SGCD: variants seen among roughly 807,000 people sequenced by gnomAD.
SGCD encodes sarcoglycan delta.
A neutral mutation model predicts 36.6 loss-of-function variants in SGCD; 18 were observed. The ratio of observed to expected loss-of-function variants is 0.49; its 90% CI spans 0.34 to 0.73. The LOEUF is 0.73. Ranked by LOEUF, SGCD falls within the 30% of genes least tolerant of loss-of-function variation. The pLI is 0.01. For missense variants in SGCD, 387 were observed against 346.7 expected, an observed-to-expected ratio of 1.12 and a Z score of -0.92; for synonymous variants, 133 against 130.6, an observed-to-expected ratio of 1.02 and a Z score of -0.12.
chr5:156,336,655 A>G (rs545807474), intron 2 of SGCD, among the ~76,000 whole-genome samples: 2 of 152,370 alleles, frequency 1.3e-5, no homozygotes, highest in Non-Finnish European at 2.9e-5. Context: ...GTGCATATGC[A>G]CTGAACATCT....
chr5:155,787,063 G>C, the SGCD span, among the ~76,000 whole-genome samples: 1 of 152,282 alleles, frequency 6.6e-6, no homozygotes, highest in African/African-American at 2.4e-5. Flanking sequence ...GGCTTGCATT[G>C]GTTTATGCAG....
chr5:155,750,689 A>G, the SGCD span, among the ~76,000 whole-genome samples: 2 of 152,222 alleles, frequency 1.3e-5, no homozygotes, highest in Non-Finnish European at 2.9e-5. Context: ...ACATTTAATA[A>G]TGTTTGAGCA....
At chr5:156,616,699 T>C (rs1313516016) in intron 6 of SGCD, among the ~76,000 whole-genome samples, 1 of 152,188 alleles carries the variant, frequency 6.6e-6, no homozygotes, top group African/African-American at 2.4e-5. Flanking sequence ...CCTTTGTGGC[T>C]CAAACATCGC....
chr5:156,006,645 G>C (rs1025814006), intron 1 of SGCD, among the ~76,000 whole-genome samples: 1 of 152,106 alleles, frequency 6.6e-6, no homozygotes, highest in Non-Finnish European at 1.5e-5. Flanking sequence ...ATATAAAAAC[G>C]CATTCCCAGA....
the SGCD span, among the ~76,000 whole-genome samples, chr5:155,757,041 G>A: frequency 2.5e-3 from 386 of 152,288 alleles, 2 homozygotes; most frequent in African/African-American, 7.7e-3. Flanking sequence ...GACCACAGGC[G>A]GGGTCTATGC....
chr5:155,781,348 C>T, the SGCD span, among the ~76,000 whole-genome samples: 1 of 152,160 alleles, frequency 6.6e-6, no homozygotes, highest in Non-Finnish European at 1.5e-5. Flanking sequence ...ACAGGGATTC[C>T]TATCACACCT....
chr5:156,139,609 A>G (rs1005762621), intron 3 of SGCD, among the ~76,000 whole-genome samples: 2 of 152,178 alleles, frequency 1.3e-5, no homozygotes, highest in Non-Finnish European at 1.5e-5. Context: ...AAAGGTATGC[A>G]TTAGTCTGTT....
intron 3 of SGCD, among the ~76,000 whole-genome samples, chr5:156,453,444 G>A (rs1754114452): frequency 6.6e-6 from 1 of 152,170 alleles, no homozygotes; most frequent in Non-Finnish European, 1.5e-5. Flanking sequence ...AGTGTTACAT[G>A]TAAACATGAA....
intron 1 of SGCD, among the ~76,000 whole-genome samples, chr5:156,043,451 G>T (rs147165424): frequency 6.6e-6 from 1 of 152,108 alleles, no homozygotes; most frequent in Admixed American, 6.6e-5. Flanking sequence ...TTTCTCAGGG[G>T]TTTGGCAAAA....
At chr5:156,635,106 T>C (rs1053014172) in intron 6 of SGCD, among the ~76,000 whole-genome samples, 1 of 152,000 alleles carries the variant, frequency 6.6e-6, no homozygotes. Flanking sequence ...GTCCCGGTAG[T>C]CAAGCTACTC....
chr5:155,753,713 C>T, the SGCD span, among the ~76,000 whole-genome samples: 7 of 152,064 alleles, frequency 4.6e-5, no homozygotes, highest in South Asian at 8.3e-4. Context: ...CTCTCAAAAC[C>T]GGGAATCAAG....
chr5:156,061,917 C>CA (rs1760219905), intron 1 of SGCD, among the ~76,000 whole-genome samples: 1 of 100,654 alleles, frequency 9.9e-6, no homozygotes, highest in African/African-American at 3.5e-5. Context: ...CAGGAGTTTT[C>CA]ACTTTTTTTT....
the SGCD span, among the ~76,000 whole-genome samples, chr5:155,825,083 A>G: frequency 7.9e-5 from 12 of 152,188 alleles, no homozygotes; most frequent in African/African-American, 2.9e-4. Flanking sequence ...CAATGTTTTC[A>G]TCAAAGAAAG....
chr5:156,336,509 C>T (rs975401156), intron 2 of SGCD, among the ~76,000 whole-genome samples: 1 of 152,140 alleles, frequency 6.6e-6, no homozygotes, highest in Non-Finnish European at 1.5e-5. Context: ...ATCATAGATC[C>T]ATACCATTTA....
At chr5:156,226,641 A>G (rs1392920927) in intron 3 of SGCD, among the ~76,000 whole-genome samples, 1 of 152,176 alleles carries the variant, frequency 6.6e-6, no homozygotes, top group Non-Finnish European at 1.5e-5. Flanking sequence ...AGGAATATCC[A>G]CAGTTTTCCA....
chr5:155,821,185 A>G, the SGCD span, among the ~76,000 whole-genome samples: 1 of 152,208 alleles, frequency 6.6e-6, no homozygotes, highest in Non-Finnish European at 1.5e-5. Context: ...TAAGAAAACA[A>G]TTGTGTATCC....
chr5:156,547,964 G>A (rs1421268609), intron 4 of SGCD, among the ~76,000 whole-genome samples: 1 of 152,196 alleles, frequency 6.6e-6, no homozygotes, highest in Non-Finnish European at 1.5e-5. Context: ...GTAGCACACA[G>A]GGTCATCATG....
chr5:155,970,211 C>T (rs969218663), intron 1 of SGCD, among the ~76,000 whole-genome samples: 2 of 152,062 alleles, frequency 1.3e-5, no homozygotes, highest in South Asian at 2.1e-4. Context: ...CTTCCAGCCC[C>T]CATCCCATTT....
rs76798983 is a variant in SGCD, at chr5:156,338,688, G to A, written c.4-5801G>A. Among the ~76,000 whole-genome samples, 2,666 of 152,230 alleles carry A rather than the reference G, an allele frequency of 0.018. 297 individuals carry two copies. The East Asian group carries it at 0.32, about 18-fold the overall frequency. ...GGTTGGGCCTGGTTCAAAGATCTCG[G>A]TGACAACTTCACAGTGGGTAGGATT... is the stretch of plus-strand genomic sequence containing the variant. On this transcript the variant is annotated intron_variant, in intron 2 of 8. Coordinates refer to ENST00000337851, the MANE Select transcript of SGCD (RefSeq NM_000337.6).
Sources: allele counts gnomAD v4.1 joint callset (sites outside exome capture counted in the v4.1 genomes callset), GRCh38; gene constraint gnomAD v4.1.1; transcripts MANE v1.5; gene names NCBI Gene and HGNC (gene_info 2026-07-23, HGNC 2026-07-21).